The following EPAS1 variants were observed in gnomAD, a reference collection of about 807,000 sequenced individuals.
The protein encoded by EPAS1 is endothelial PAS domain protein 1.
In EPAS1, 23 loss-of-function variants were observed where a neutral mutation model predicts 87.9. The observed-to-expected ratio is 0.26, with a 90% CI of 0.19 to 0.37. EPAS1 has a LOEUF of 0.37. EPAS1 is among the 10% of genes least tolerant of loss of function. EPAS1 has a pLI of 1.00. For synonymous variants in EPAS1, 508 were observed against 444.3 expected (o/e 1.14, Z -1.80); for missense variants, 1,138 against 1,120.7 (o/e 1.02, Z -0.22).
At chr2:46,362,627 G>A (rs1343991001) in intron 6 of EPAS1, among the ~76,000 whole-genome samples, 1 of 152,174 alleles carries the variant, frequency 6.6e-6, no homozygotes, top group African/African-American at 2.4e-5. Context: ...GACATCCCAA[G>A]GGCATCTGGT....
chr2:46,349,475 C>T (rs1684103731), intron 2 of EPAS1, among the ~76,000 whole-genome samples: 2 of 152,228 alleles, frequency 1.3e-5, no homozygotes, highest in Non-Finnish European at 2.9e-5. Flanking sequence ...ATATCTATCC[C>T]ATCTCCGGAG....
At chr2:46,327,986 G>A (rs1172151578) in intron 1 of EPAS1, among the ~76,000 whole-genome samples, 3 of 152,274 alleles carry the variant, frequency 2.0e-5, no homozygotes, top group East Asian at 3.9e-4. Flanking sequence ...GGGGCTACAC[G>A]TACTCCCTCC....
chr2:46,337,144 C>T (rs1683809919), intron 1 of EPAS1, among the ~76,000 whole-genome samples: 1 of 152,202 alleles, frequency 6.6e-6, no homozygotes, highest in Non-Finnish European at 1.5e-5. Context: ...CCACTTTGTA[C>T]TACTGATGCT....
At position 46,374,302 on chromosome 2, in the gene EPAS1, C is replaced by T. The variant is rs928268366; in HGVS notation, c.887-1388C>T. On this transcript the variant is annotated intron_variant, in intron 7 of 15. Transcript: ENST00000263734. The stretch of plus-strand genomic sequence containing the variant: ...TCTACCGAGAGCCTGGATATCCTCC[C>T]GAGTGGCCCCTCATGAGACTATCTA... Among the ~76,000 whole-genome samples the T allele has an allele frequency of 3.3e-5, 5 of 152,252 alleles. No individual in the cohort carries two copies. The South Asian group carries it at 6.2e-4, about 19-fold the overall frequency.
At chr2:46,330,349 C>T (rs1432458538) in intron 1 of EPAS1, among the ~76,000 whole-genome samples, 2 of 152,212 alleles carry the variant, frequency 1.3e-5, no homozygotes, top group Non-Finnish European at 2.9e-5. Flanking sequence ...ACACGTAGAG[C>T]TAGGCACACA....
intron 8 of EPAS1, 23 bp from the exon 9 acceptor site, chr2:46,376,516 A>C (rs374606180): frequency 8.9e-5 from 143 of 1,612,260 alleles, no homozygotes; most frequent in Middle Eastern, 1.6e-4. Flanking sequence ...GGAAAGTCTG[A>C]ATGGCTCTTT....
intron 7 of EPAS1, among the ~76,000 whole-genome samples, chr2:46,373,434 T>A (rs916966137): frequency 1.3e-5 from 2 of 152,192 alleles, no homozygotes; most frequent in Non-Finnish European, 2.9e-5. Flanking sequence ...TGCAACGGAA[T>A]ACAACTCACT....
chr2:46,302,159 T>TG (rs1683017087), intron 1 of EPAS1, among the ~76,000 whole-genome samples: 1 of 119,528 alleles, frequency 8.4e-6, no homozygotes, highest in African/African-American at 4.5e-5. Context: ...TGCCCGTGCG[T>TG]CGGGGGGGGG....
chr2:46,307,481 G>T (rs531631705), intron 1 of EPAS1, among the ~76,000 whole-genome samples: 1 of 152,096 alleles, frequency 6.6e-6, no homozygotes, highest in Non-Finnish European at 1.5e-5. Flanking sequence ...TTCTGTACCC[G>T]GGACTTAGGG....
chr2:46,367,939 A>G (rs1277329078), intron 6 of EPAS1, among the ~76,000 whole-genome samples: 1 of 152,186 alleles, frequency 6.6e-6, no homozygotes, highest in Non-Finnish European at 1.5e-5. Flanking sequence ...ACACACATTG[A>G]GACAGTTAAT....
chr2:46,336,107 G>T (rs1406849412), intron 1 of EPAS1, among the ~76,000 whole-genome samples: 1 of 152,226 alleles, frequency 6.6e-6, no homozygotes, highest in African/African-American at 2.4e-5. Context: ...GAGGAGCAAG[G>T]CTGGGCTGGG....
intron 15 of EPAS1, among the ~76,000 whole-genome samples, chr2:46,383,718 C>A (rs1007869345): frequency 3.3e-5 from 5 of 152,166 alleles, no homozygotes; most frequent in African/African-American, 1.2e-4. Context: ...TGAATCATAT[C>A]AAACTCTTTT....
intron 1 of EPAS1, among the ~76,000 whole-genome samples, chr2:46,338,383 T>C (rs4953352): frequency 0.66 from 99,740 of 152,142 alleles, 35,013 homozygotes; most frequent in East Asian, 0.93. Flanking sequence ...TTAATTAGTC[T>C]CTTAGCTGAA....
In EPAS1 at chr2:46,386,609, C is replaced by T. The variant is rs1043138341; in HGVS notation, c.*1949C>T. ...TGAACGTTATTATATTGTCGAATTC[C>T]TACTGACAACATTATAACTGTATGG... is the stretch of plus-strand genomic sequence containing the variant. On this transcript the variant is annotated 3_prime_UTR_variant, in exon 16 of 16. Transcript: ENST00000263734. 2 of 152,614 alleles carry T rather than the reference C, an allele frequency of 1.3e-5. No homozygotes were observed. The allele number at this position is 152,614 out of a possible 1,614,324, so 9.5% of individuals were successfully genotyped here.
intron 1 of EPAS1, among the ~76,000 whole-genome samples, chr2:46,324,482 A>G (rs1334635723): frequency 6.6e-6 from 1 of 152,246 alleles, no homozygotes; most frequent in Non-Finnish European, 1.5e-5. Flanking sequence ...GTGAAAATAC[A>G]AAGCATAGGT....
chr2:46,356,584 C>T, intron 3 of EPAS1, 140 bp from the exon 4 acceptor site: 2 of 767,142 alleles, frequency 2.6e-6, no homozygotes, highest in East Asian at 2.5e-5. Flanking sequence ...TGTCTGTGGA[C>T]CTGACACTGG....
At position 46,382,585 on chromosome 2, in the gene EPAS1, C is replaced by G; in HGVS notation, c.2448C>G (p.Ala816=). 6.2e-7 allele frequency: 1 copy of G among 1,614,110 alleles called. No individual in the cohort carries two copies. The highest frequency in any genetic ancestry group is 8.5e-7 in the Non-Finnish European group (1 of 1,180,048). The part of the protein sequence containing the change: ...TQYQDYSLSS[A]HKVSGMASRL... ...ACCAGGACTACAGCCTGTCGTCAGC[C>G]CACAAGGTGTCAGGTGGGTGTGCCC... The change falls in exon 15 of 16, where the codon GCC becomes GCG. Residue 816 remains alanine, a synonymous_variant. Transcript: ENST00000263734.
At chr2:46,317,301 A>C (rs1056259259) in intron 1 of EPAS1, among the ~76,000 whole-genome samples, 1 of 152,206 alleles carries the variant, frequency 6.6e-6, no homozygotes, top group African/African-American at 2.4e-5. Context: ...TCATCTAGGA[A>C]TCACTATCTA....
chr2:46,304,589 A>G (rs1436548064), intron 1 of EPAS1, among the ~76,000 whole-genome samples: 5 of 152,202 alleles, frequency 3.3e-5, no homozygotes, highest in Admixed American at 6.5e-5. Flanking sequence ...AAAGGCCAAC[A>G]TGGAACTCCT....
Sources: gnomAD v4.1 joint callset for allele counts (sites outside exome capture counted in the v4.1 genomes callset) on GRCh38, gnomAD v4.1.1 for gene constraint, MANE v1.5 for transcripts, NCBI Gene and HGNC (gene_info 2026-07-23, HGNC 2026-07-21) for gene names.